The following ZNF385D variants were observed in gnomAD, a reference collection of about 807,000 sequenced individuals.
ZNF385D encodes zinc finger protein 385D.
In ZNF385D, 15 loss-of-function variants were observed where a neutral mutation model predicts 35.8. The ratio of observed to expected loss-of-function variants is 0.42; its 90% CI spans 0.28 to 0.64. The LOEUF is 0.64. Ranked by LOEUF, ZNF385D falls within the 30% of genes least tolerant of loss-of-function variation. The probability of loss-of-function intolerance (pLI) is 0.23; values close to 1 mark genes in which losing one functional copy is unlikely to be tolerated. For missense variants in ZNF385D, 474 were observed against 494.6 expected (o/e 0.96, Z 0.39); for synonymous variants, 212 against 186.8 (o/e 1.13, Z -1.10).
chr3:21,970,856 G>T (rs377575496), intron 3 of ZNF385D, among the ~76,000 whole-genome samples: 3 of 152,028 alleles, frequency 2.0e-5, no homozygotes, highest in African/African-American at 7.2e-5. Flanking sequence ...GCTTCAATAA[G>T]TCTGGCAGCA....
chr3:21,993,712 C>T (rs1260479863), intron 3 of ZNF385D, among the ~76,000 whole-genome samples: 1 of 152,026 alleles, frequency 6.6e-6, no homozygotes, highest in Non-Finnish European at 1.5e-5. Context: ...ATGCAATGTT[C>T]CTTCCTACTA....
intron 3 of ZNF385D, among the ~76,000 whole-genome samples, chr3:21,828,454 G>C (rs1451267466): frequency 6.6e-6 from 1 of 152,176 alleles, no homozygotes; most frequent in Non-Finnish European, 1.5e-5. Context: ...AGGGGATTTT[G>C]TAGGTTTTAA....
intron 2 of ZNF385D, among the ~76,000 whole-genome samples, chr3:22,294,161 T>C (rs1050702736): frequency 2.0e-5 from 3 of 152,062 alleles, no homozygotes; most frequent in Non-Finnish European, 2.9e-5. Flanking sequence ...TGTTACAACA[T>C]AGTGCTACTA....
chr3:21,413,493 A>T lies in ZNF385D; in HGVS notation c.*7721T>A, dbSNP rs906265887. On this transcript the variant is annotated 3_prime_UTR_variant, in exon 8 of 8. Coordinates refer to ENST00000281523, the MANE Select transcript of ZNF385D (RefSeq NM_024697.3). ...AGCTTTGTTAGTTTTTGTAAAATCA[A>T]ATTCACCATGTCAACTGTACCTCCC... 6.6e-6 allele frequency: 1 copy of T among 152,102 alleles called. No individual in the cohort carries two copies. Among genetic ancestry groups the T allele is most frequent in the African/African-American group, 2.4e-5 (1 of 41,416 alleles). The allele number at this position is 152,102 out of a possible 1,614,324, so 9.4% of individuals were successfully genotyped here. A position where few individuals can be genotyped will look rare whatever the true frequency, so the allele number is the denominator to read the frequency against.
intron 2 of ZNF385D, among the ~76,000 whole-genome samples, chr3:22,301,960 T>A (rs1575074512): frequency 6.6e-6 from 1 of 152,112 alleles, no homozygotes; most frequent in Non-Finnish European, 1.5e-5. Flanking sequence ...ATTGTTTCAC[T>A]GTGTGTATAT....
rs141600479 is a variant in ZNF385D, at chr3:21,734,586, A to T, written c.22+16309T>A. Among the ~76,000 whole-genome samples the T allele has an allele frequency of 6.6e-5, 10 of 152,270 alleles. No individual in the cohort carries two copies. In the East Asian group the frequency reaches 1.9e-3, roughly 29 times the overall value. On this transcript the variant is annotated intron_variant, in intron 1 of 7. Transcript: ENST00000281523. Reference sequence around the variant, plus strand: ...GTAAGATGGACAACATGAGGTAAAGACACAGAAGGTTAAGAAATGAGGAGT... The same window carrying T: ...GTAAGATGGACAACATGAGGTAAAGTCACAGAAGGTTAAGAAATGAGGAGT...
chr3:22,082,228 T>C (rs1576286234), intron 3 of ZNF385D, among the ~76,000 whole-genome samples: 1 of 151,780 alleles, frequency 6.6e-6, no homozygotes, highest in Admixed American at 6.6e-5. Context: ...CCACGGAGGG[T>C]GAGCTGAAGC....
chr3:21,757,272 A>C (rs1280315407), intron 3 of ZNF385D, among the ~76,000 whole-genome samples: 2 of 151,944 alleles, frequency 1.3e-5, no homozygotes, highest in Non-Finnish European at 2.9e-5. Context: ...TCACAGCTTC[A>C]GCTGGGACTA....
intron 3 of ZNF385D, among the ~76,000 whole-genome samples, chr3:22,030,299 A>ATATATATATATATATGTATATATATATT (rs1553591392): frequency 8.7e-6 from 1 of 114,758 alleles, no homozygotes; most frequent in African/African-American, 3.3e-5. Context: ...ATATATATAT[A>ATATATATATATATATGTATATATATATT]TATCCTATTT....
At chr3:21,681,178 C>T (rs927773305) in intron 1 of ZNF385D, among the ~76,000 whole-genome samples, 3 of 149,700 alleles carry the variant, frequency 2.0e-5, no homozygotes, top group African/African-American at 7.4e-5. Flanking sequence ...TGTTGAAAGA[C>T]ATCTAAGTCC....
chr3:21,905,205 C>CAAAAAAAAAAAAAA (rs63147760), intron 3 of ZNF385D, among the ~76,000 whole-genome samples: 6 of 69,730 alleles, frequency 8.6e-5, no homozygotes, highest in African/African-American at 1.7e-4. Context: ...ACAAAAAATC[C>CAAAAAAAAAAAAAA]AAAAAAAAAA....
chr3:22,301,102 TAAG>T (rs1334763880), intron 2 of ZNF385D, among the ~76,000 whole-genome samples: 6 of 152,002 alleles, frequency 3.9e-5, no homozygotes, highest in Non-Finnish European at 5.9e-5. Flanking sequence ...ATGCAGCCCT[TAAG>T]AAGAAGGAAA....
chr3:21,690,603 C>T (rs1470445959), intron 1 of ZNF385D, among the ~76,000 whole-genome samples: 1 of 152,152 alleles, frequency 6.6e-6, no homozygotes, highest in African/African-American at 2.4e-5. Context: ...CTTTCTTTAT[C>T]TTCCACTGTG....
At chr3:21,483,507 G>A (rs148507133) in intron 4 of ZNF385D, among the ~76,000 whole-genome samples, 19 of 152,220 alleles carry the variant, frequency 1.2e-4, no homozygotes, top group African/African-American at 4.6e-4. Context: ...ACTTTTACAA[G>A]AAAATGCCAA....
In ZNF385D at chr3:22,233,119, T is replaced by C. The variant is rs981080146; in HGVS notation, c.107-64084A>G. On this transcript the variant is annotated intron_variant, in intron 2 of 5. Coordinates refer to the ZNF385D transcript ENST00000494108. The stretch of plus-strand genomic sequence containing the variant: ...TATACTCCGTTTCTCTATTGAGTCC[T>C]CTTACCTGCTTAAAAACACCTTCAG... Among the ~76,000 whole-genome samples, 17 of 152,134 alleles carry C rather than the reference T, an allele frequency of 1.1e-4. 1 individual carries two copies. Among genetic ancestry groups the C allele is most frequent in the Admixed American group, 1.0e-3 (16 of 15,256 alleles).
intron 2 of ZNF385D, among the ~76,000 whole-genome samples, chr3:22,354,831 G>A (rs73041330): frequency 0.041 from 6,196 of 151,854 alleles, 162 homozygotes; most frequent in East Asian, 0.1. Context: ...ATGGTGTTGC[G>A]GTTATTTAAT....
At chr3:21,760,084 T>C (rs1053489492) in intron 3 of ZNF385D, among the ~76,000 whole-genome samples, 31 of 152,148 alleles carry the variant, frequency 2.0e-4, no homozygotes, top group Admixed American at 1.9e-3. Flanking sequence ...AATATTACAG[T>C]TTCAACATTC....
chr3:21,979,059 C>G (rs970828356), intron 3 of ZNF385D, among the ~76,000 whole-genome samples: 7 of 152,100 alleles, frequency 4.6e-5, no homozygotes, highest in African/African-American at 1.4e-4. Flanking sequence ...ACACTTAGCA[C>G]AATAGAAAAT....
rs187983848 is a variant in ZNF385D at position 22,366,690 on chromosome 3, G to T, written c.106+5760C>A. Among the ~76,000 whole-genome samples the T allele has an allele frequency of 1.9e-3, 285 of 152,232 alleles. 5 individuals carry two copies. In the South Asian group the frequency reaches 0.033, roughly 17 times the overall value. On this transcript the variant is annotated intron_variant, in intron 2 of 5. Coordinates refer to the ZNF385D transcript ENST00000494108. ...CTCAGTCCTTACTGAAAATACATTA[G>T]TTCGTAATCCTTAGAACCTGTAAAT...
Sources: allele counts gnomAD v4.1 joint callset (sites outside exome capture counted in the v4.1 genomes callset), GRCh38; gene constraint gnomAD v4.1.1; transcripts MANE v1.5; gene names NCBI Gene and HGNC (gene_info 2026-07-23, HGNC 2026-07-21).